Variants in NRF1 observed in about 807,000 individuals in gnomAD.
The protein encoded by NRF1 is alpha palindromic-binding protein.
NRF1 carries 5 observed loss-of-function variants against 58.5 expected under a neutral mutation model. The ratio of observed to expected loss-of-function variants is 0.09; its 90% CI spans 0.04 to 0.18. The LOEUF (loss-of-function observed/expected upper bound fraction) is 0.18, where lower values mean the gene tolerates loss of function less well. NRF1 is among the 10% of genes least tolerant of loss of function. NRF1 has a pLI of 1.00. For missense variants in NRF1, 288 were observed against 657.7 expected (o/e 0.44, Z 6.15); for synonymous variants, 224 against 246.7 (o/e 0.91, Z 0.86).
intron 5 of NRF1, among the ~76,000 whole-genome samples, chr7:129,704,398 T>G (rs894171045): frequency 2.6e-5 from 4 of 152,152 alleles, no homozygotes; most frequent in African/African-American, 7.2e-5. Context: ...AGTAAACCAT[T>G]TCAGAAAGCT....
At chr7:129,660,847 C>T (rs1312226913) in intron 2 of NRF1, among the ~76,000 whole-genome samples, 1 of 150,936 alleles carries the variant, frequency 6.6e-6, no homozygotes, top group Non-Finnish European at 1.5e-5. Flanking sequence ...CTAGGCAGTG[C>T]CCCCGAAGGG....
chr7:129,686,915 T>C (rs1802455365), intron 4 of NRF1, among the ~76,000 whole-genome samples: 1 of 152,254 alleles, frequency 6.6e-6, no homozygotes, highest in South Asian at 2.1e-4. Flanking sequence ...GTTATTTGTG[T>C]ACTATGAAGA....
chr7:129,747,125 C>G (rs896693513), intron 10 of NRF1, among the ~76,000 whole-genome samples: 3 of 152,172 alleles, frequency 2.0e-5, no homozygotes, highest in African/African-American at 7.2e-5. Context: ...CTGTTAGTTT[C>G]TGGAGGACTT....
chr7:129,616,752 T>A (rs1800668016), intron 1 of NRF1, among the ~76,000 whole-genome samples: 1 of 152,168 alleles, frequency 6.6e-6, no homozygotes, highest in South Asian at 2.1e-4. Flanking sequence ...CCTTGCCCAA[T>A]CACAACATAG....
At chr7:129,617,857 A>C (rs534075671) in intron 1 of NRF1, among the ~76,000 whole-genome samples, 1 of 152,290 alleles carries the variant, frequency 6.6e-6, no homozygotes, top group East Asian at 1.9e-4. Context: ...GCTGAGAGGA[A>C]GGGCATCAGT....
intron 1 of NRF1, among the ~76,000 whole-genome samples, chr7:129,654,719 G>A (rs1462488991): frequency 6.6e-6 from 1 of 152,174 alleles, no homozygotes; most frequent in Non-Finnish European, 1.5e-5. Context: ...GACTAACTTT[G>A]CCAAACTAAT....
intron 2 of NRF1, among the ~76,000 whole-genome samples, chr7:129,664,502 C>T (rs1029740368): frequency 6.6e-6 from 1 of 152,100 alleles, no homozygotes; most frequent in African/African-American, 2.4e-5. Flanking sequence ...TGTGTATTTC[C>T]GGAGTGGTGA....
intron 5 of NRF1, 132 bp from the exon 6 acceptor site, chr7:129,708,943 A>G: frequency 1.4e-6 from 1 of 691,172 alleles, no homozygotes; most frequent in Non-Finnish European, 2.2e-6. Context: ...GTGGGTTTTC[A>G]TCAGTCACAT....
chr7:129,613,661 GC>G (rs1449516936), intron 1 of NRF1, among the ~76,000 whole-genome samples: 14 of 152,098 alleles, frequency 9.2e-5, no homozygotes, highest in Non-Finnish European at 2.1e-4. Context: ...ACTTTGGGAG[GC>G]CGAGGCGGGG....
At chr7:129,640,696 A>G (rs1392796218) in intron 1 of NRF1, among the ~76,000 whole-genome samples, 1 of 152,194 alleles carries the variant, frequency 6.6e-6, no homozygotes, top group African/African-American at 2.4e-5. Flanking sequence ...CTGATGGAGC[A>G]GCTGGAACAC....
intron 1 of NRF1, among the ~76,000 whole-genome samples, chr7:129,612,355 C>T (rs982141137): frequency 6.6e-6 from 1 of 152,166 alleles, no homozygotes; most frequent in Admixed American, 6.5e-5. Context: ...CCGCTGTCTC[C>T]TGCGGGAGAG....
chr7:129,722,613 A>G (rs1301761318), intron 9 of NRF1, among the ~76,000 whole-genome samples: 1 of 152,128 alleles, frequency 6.6e-6, no homozygotes, highest in Non-Finnish European at 1.5e-5. Context: ...CATCCCTGGC[A>G]TTCCAGATTG....
At chr7:129,688,191 A>G (rs1005313253) in intron 4 of NRF1, among the ~76,000 whole-genome samples, 3 of 152,162 alleles carry the variant, frequency 2.0e-5, no homozygotes, top group Admixed American at 6.5e-5. Flanking sequence ...GAGTGGCACT[A>G]TCTTGGCTCA....
intron 1 of NRF1, among the ~76,000 whole-genome samples, chr7:129,649,474 C>CAAAA (rs756662956): frequency 6.6e-5 from 10 of 152,262 alleles, no homozygotes; most frequent in Admixed American, 1.3e-4. Context: ...GCTTTTCTTT[C>CAAAA]TGCTTTGATT....
At chr7:129,675,021 A>T (rs552137716) in intron 3 of NRF1, among the ~76,000 whole-genome samples, 1 of 152,062 alleles carries the variant, frequency 6.6e-6, no homozygotes, top group South Asian at 2.1e-4. Context: ...ATCCCCTCCA[A>T]CTCTGCTGCT....
intron 3 of NRF1, among the ~76,000 whole-genome samples, chr7:129,677,379 A>G (rs1378410693): frequency 6.6e-6 from 1 of 152,182 alleles, no homozygotes; most frequent in Non-Finnish European, 1.5e-5. Flanking sequence ...GAAGAATGAT[A>G]CCATGTTCAA....
chr7:129,628,430 A>C (rs77042318), intron 1 of NRF1, among the ~76,000 whole-genome samples: 3,999 of 152,262 alleles, frequency 0.026, 62 homozygotes, highest in Middle Eastern at 0.075. Flanking sequence ...AGAAAATTTA[A>C]AAGTGCTTAA....
intron 1 of NRF1, among the ~76,000 whole-genome samples, chr7:129,631,829 A>G (rs1801056296): frequency 6.6e-6 from 1 of 152,228 alleles, no homozygotes; most frequent in South Asian, 2.1e-4. Flanking sequence ...ATTTAAGTTT[A>G]CTGGACAGAT....
chr7:129,716,496 A>C (rs1166890058), intron 8 of NRF1, among the ~76,000 whole-genome samples: 1 of 152,180 alleles, frequency 6.6e-6, no homozygotes, highest in African/African-American at 2.4e-5. Flanking sequence ...AAATTAACAA[A>C]AAATTGTATA....
Sources: allele counts gnomAD v4.1 joint callset (sites outside exome capture counted in the v4.1 genomes callset), GRCh38; gene constraint gnomAD v4.1.1; transcripts MANE v1.5; gene names NCBI Gene and HGNC (gene_info 2026-07-23, HGNC 2026-07-21).